RALGAPA1: variants seen among roughly 807,000 people sequenced by gnomAD.
RALGAPA1 encodes the protein ral GTPase-activating protein subunit alpha-1.
RALGAPA1 carries 52 observed loss-of-function variants against 269.6 expected under a neutral mutation model. That is an observed-to-expected ratio of 0.19 (90% confidence interval 0.15 to 0.24). The LOEUF (loss-of-function observed/expected upper bound fraction) is 0.24. RALGAPA1 is among the 10% of genes least tolerant of loss of function. The pLI is 1.00. For missense variants in RALGAPA1, 1,917 were observed against 3,013.9 expected, an observed-to-expected ratio of 0.64 and a Z score of 8.52; for synonymous variants, 817 against 1,008.3, an observed-to-expected ratio of 0.81 and a Z score of 3.60.
At chr14:35,635,946 TATA>T (rs2139753481) in intron 31 of RALGAPA1, among the ~76,000 whole-genome samples, 1 of 152,346 alleles carries the variant, frequency 6.6e-6, no homozygotes, top group East Asian at 1.9e-4. Flanking sequence ...CCATATATAT[TATA>T]ATCACTTCCA....
chr14:35,738,452 A>T, intron 12 of RALGAPA1, 61 bp downstream of exon 12: 19 of 1,295,956 alleles, frequency 1.5e-5, no homozygotes, highest in South Asian at 1.3e-4. Flanking sequence ...GTATACTGAA[A>T]TACTGAACAG....
At chr14:35,659,077 G>C (rs1376612616) in intron 28 of RALGAPA1, 61 bp downstream of exon 28, 3 of 1,271,238 alleles carry the variant, frequency 2.4e-6, no homozygotes, top group Non-Finnish European at 3.3e-6. Flanking sequence ...TAAAAATTCA[G>C]TCAACTTCTA....
At chr14:35,595,598 G>T in intron 37 of RALGAPA1, 36 bp downstream of exon 37, 1 of 1,562,480 alleles carries the variant, frequency 6.4e-7, no homozygotes, top group South Asian at 1.1e-5. Flanking sequence ...TCTCAATTAT[G>T]AGCATTTTAA....
chr14:35,710,016 G>A (rs568738759), intron 16 of RALGAPA1, among the ~76,000 whole-genome samples: 6 of 152,298 alleles, frequency 3.9e-5, no homozygotes, highest in African/African-American at 1.4e-4. Context: ...GCTGGATTAA[G>A]CAATTTACAG....
At chr14:35,747,381 G>A (rs2072216894) in intron 10 of RALGAPA1, among the ~76,000 whole-genome samples, 1 of 152,176 alleles carries the variant, frequency 6.6e-6, no homozygotes, top group South Asian at 2.1e-4. Flanking sequence ...AATTCCCCAT[G>A]AGTATTCCAA....
chr14:35,554,910 G>C (rs1414558608), intron 39 of RALGAPA1, among the ~76,000 whole-genome samples: 1 of 152,152 alleles, frequency 6.6e-6, no homozygotes, highest in Non-Finnish European at 1.5e-5. Flanking sequence ...CTTCTAGAAG[G>C]AATGAATAAA....
At chr14:35,748,469 C>T (rs748550694) in intron 10 of RALGAPA1, 116 bp downstream of exon 10, 1 of 1,290,930 alleles carries the variant, frequency 7.7e-7, no homozygotes, top group Non-Finnish European at 1.0e-6. Flanking sequence ...CCACCTCAGC[C>T]TCCTGAACAA....
At chr14:35,589,618 T>C (rs908030011) in intron 37 of RALGAPA1, among the ~76,000 whole-genome samples, 4 of 152,158 alleles carry the variant, frequency 2.6e-5, no homozygotes, top group African/African-American at 9.7e-5. Context: ...AGAATAGTAA[T>C]ATATTATTAA....
At chr14:35,740,276 T>C (rs1381166564) in intron 11 of RALGAPA1, among the ~76,000 whole-genome samples, 1 of 152,236 alleles carries the variant, frequency 6.6e-6, no homozygotes, top group Admixed American at 6.5e-5. Context: ...TGTCTGCTCA[T>C]GTTTCTACCT....
At chr14:35,730,063 G>A (rs1032205582) in intron 12 of RALGAPA1, among the ~76,000 whole-genome samples, 1 of 152,170 alleles carries the variant, frequency 6.6e-6, no homozygotes, top group Admixed American at 6.5e-5. Flanking sequence ...TGCTGTGAGT[G>A]CCCAAACGGC....
In RALGAPA1 at chr14:35,752,165, A is replaced by G; in HGVS notation, c.664-3T>C. 6.5e-7 allele frequency: 1 copy of G among 1,538,948 alleles called. No homozygotes were observed. The highest frequency in any genetic ancestry group is 8.7e-7 in the Non-Finnish European group (1 of 1,145,202). On this transcript the variant is annotated splice_polypyrimidine_tract_variant and splice_region_variant and intron_variant, in intron 7 of 41. Coordinates refer to ENST00000680220, the MANE Select transcript of RALGAPA1 (RefSeq NM_001346249.2). Reference sequence around the variant, plus strand: ...TTCTTCCATTCTAAACTTTTTACCTAAAAATAAATTATATAATTAGAATCA... The same window carrying G: ...TTCTTCCATTCTAAACTTTTTACCTGAAAATAAATTATATAATTAGAATCA...
chr14:35,539,766 T>G, intron 41 of RALGAPA1, 76 bp from the exon 42 acceptor site: 1 of 1,563,320 alleles, frequency 6.4e-7, no homozygotes, highest in Non-Finnish European at 8.7e-7. Flanking sequence ...CTGCTACTAA[T>G]CTGCAGCAAG....
intron 1 of RALGAPA1, among the ~76,000 whole-genome samples, chr14:35,790,343 CAAT>C (rs2076069601): frequency 6.6e-6 from 1 of 151,916 alleles, no homozygotes; most frequent in South Asian, 2.1e-4. Context: ...CTTTGGGCAA[CAAT>C]GATATTGGAA....
chr14:35,582,150 T>C (rs1280869103), intron 37 of RALGAPA1, among the ~76,000 whole-genome samples: 1 of 152,194 alleles, frequency 6.6e-6, no homozygotes, highest in African/African-American at 2.4e-5. Context: ...TGATTCCACT[T>C]ATTCGAGGTT....
chr14:35,563,049 G>C (rs202222545), intron 39 of RALGAPA1, among the ~76,000 whole-genome samples: 7 of 58,916 alleles, frequency 1.2e-4, no homozygotes, highest in African/African-American at 3.8e-4. Context: ...AAAAAAAAAA[G>C]AATCCATGCT....
intron 4 of RALGAPA1, chr14:35,765,939 T>C: frequency 7.4e-7 from 1 of 1,348,190 alleles, no homozygotes. Context: ...AGAAGGCGTA[T>C]TTGGACCAGT....
intron 17 of RALGAPA1, among the ~76,000 whole-genome samples, chr14:35,692,856 A>T (rs1171231343): frequency 6.6e-6 from 1 of 151,974 alleles, no homozygotes; most frequent in Non-Finnish European, 1.5e-5. Flanking sequence ...TATACAGCTG[A>T]ACTTTACTGA....
chr14:35,634,794 A>T (rs575465610), intron 32 of RALGAPA1, 37 bp from the exon 33 acceptor site: 10 of 1,493,752 alleles, frequency 6.7e-6, no homozygotes, highest in Admixed American at 2.3e-5. Flanking sequence ...TTTTACTTAA[A>T]AAATAAATAA....
At chr14:35,678,477 G>A (rs1408943863) in intron 21 of RALGAPA1, among the ~76,000 whole-genome samples, 1 of 152,154 alleles carries the variant, frequency 6.6e-6, no homozygotes, top group Non-Finnish European at 1.5e-5. Flanking sequence ...GCTCACTGCT[G>A]CTCTATATGC....
Sources: gnomAD v4.1 joint callset for allele counts (sites outside exome capture counted in the v4.1 genomes callset) on GRCh38, gnomAD v4.1.1 for gene constraint, MANE v1.5 for transcripts, NCBI Gene and HGNC (gene_info 2026-07-23, HGNC 2026-07-21) for gene names.